Variants in CPS1 observed in about 807,000 individuals in gnomAD.
CPS1 encodes the protein carbamoyl-phosphate synthase [ammonia], mitochondrial.
In CPS1, 109 loss-of-function variants were observed where a neutral mutation model predicts 174.6. That is an observed-to-expected ratio of 0.62 (90% CI 0.53 to 0.73). The LOEUF (loss-of-function observed/expected upper bound fraction) is 0.73, where lower values mean the gene tolerates loss of function less well. Among genes scored for constraint, CPS1 ranks in the 30% least tolerant of loss-of-function variants. CPS1 has a pLI of 0.00. For missense variants in CPS1, 1,689 were observed against 1,821.9 expected (o/e 0.93, Z 1.33); for synonymous variants, 637 against 632.0 (o/e 1.01, Z -0.12).
chr2:210,622,695 AC>A (rs1699568005), intron 21 of CPS1, among the ~76,000 whole-genome samples: 1 of 151,100 alleles, frequency 6.6e-6, no homozygotes, highest in Non-Finnish European at 1.5e-5. Context: ...AGGACTTTAC[AC>A]CCCCAAGCAT....
rs6435574 is a variant in CPS1, at chr2:210,509,964, T to C, written c.3+32198T>C. Among the ~76,000 whole-genome samples, 1,288 of 152,206 alleles carry C rather than the reference T, an allele frequency of 8.5e-3. 15 individuals are homozygous for C. Among genetic ancestry groups the C allele is most frequent in the Non-Finnish European group, 0.011 (739 of 68,004 alleles). On this transcript the variant is annotated intron_variant, in intron 1 of 38. Transcript: ENST00000430249. ...TGGCCATACTGCCCAAGGTAATTTA[T>C]AGATTCAATGCCATCCCCATCAAGC...
At chr2:210,560,623 G>A (rs1697067614) in intron 1 of CPS1, among the ~76,000 whole-genome samples, 1 of 152,028 alleles carries the variant, frequency 6.6e-6, no homozygotes, top group South Asian at 2.1e-4. Flanking sequence ...CTTTTGAAAG[G>A]CATTCATTTT....
chr2:210,665,615 G>A (rs1334690393), intron 33 of CPS1, among the ~76,000 whole-genome samples: 1 of 151,722 alleles, frequency 6.6e-6, no homozygotes, highest in East Asian at 1.9e-4. Flanking sequence ...TGAGAATGAC[G>A]ATTTCCAATA....
intron 1 of CPS1, among the ~76,000 whole-genome samples, chr2:210,502,508 T>A (rs1344479554): frequency 6.7e-6 from 1 of 148,210 alleles, no homozygotes; most frequent in Non-Finnish European, 1.5e-5. Context: ...AGAGATATAT[T>A]TTTTATATAT....
chr2:210,512,884 A>ATG (rs1302269726), intron 1 of CPS1, among the ~76,000 whole-genome samples: 1 of 81,100 alleles, frequency 1.2e-5, no homozygotes, highest in Non-Finnish European at 2.2e-5. Context: ...ATAGAGATAT[A>ATG]TATATGGAGA....
intron 17 of CPS1, 139 bp downstream of exon 17, chr2:210,605,385 G>A (rs1168888494): frequency 9.2e-6 from 8 of 872,618 alleles, no homozygotes; most frequent in Non-Finnish European, 1.5e-5. Context: ...GACAAGCATA[G>A]TATTTTACAG....
At chr2:210,620,654 A>G (rs1699484429) in intron 21 of CPS1, among the ~76,000 whole-genome samples, 1 of 152,062 alleles carries the variant, frequency 6.6e-6, no homozygotes, top group Non-Finnish European at 1.5e-5. Context: ...AGCAGGAGCC[A>G]GCCAGAGAGA....
chr2:210,548,342 G>A (rs901789913), intron 1 of CPS1, among the ~76,000 whole-genome samples: 2 of 151,798 alleles, frequency 1.3e-5, no homozygotes, highest in African/African-American at 4.8e-5. Context: ...TCCTCATACC[G>A]AGTTCTTTGC....
At chr2:210,567,985 A>G (rs1697356911) in intron 1 of CPS1, among the ~76,000 whole-genome samples, 1 of 152,166 alleles carries the variant, frequency 6.6e-6, no homozygotes, top group East Asian at 1.9e-4. Context: ...GCATTCACCA[A>G]CTGTGTAGTG....
Position 210,668,298 on chromosome 2 carries a change from G to T in CPS1, c.4101+14G>T. On this transcript the variant is annotated intron_variant, in intron 34 of 37. Transcript: ENST00000233072. ...ATAGGCATCCAGGTAAGTGGTTTGT[G>T]GCTGTGTGCTTGCCCATGGTCATAC... 1 of 1,574,630 alleles carries T rather than the reference G, an allele frequency of 6.4e-7. No individual in the cohort carries two copies. Among genetic ancestry groups the T allele is most frequent in the Non-Finnish European group, 8.7e-7 (1 of 1,144,014 alleles).
At chr2:210,668,157 A>C (rs1343693297) in intron 33 of CPS1, 29 bp from the exon 34 acceptor site, 1 of 1,543,544 alleles carries the variant, frequency 6.5e-7, no homozygotes, top group Admixed American at 1.7e-5. Context: ...TGCATCCTCT[A>C]TTTTAATTTT....
At chr2:210,593,018 C>G (rs1574564694) in intron 11 of CPS1, 62 bp downstream of exon 11, 5 of 1,418,082 alleles carry the variant, frequency 3.5e-6, no homozygotes, top group Non-Finnish European at 5.0e-6. Flanking sequence ...TGTGGAAATT[C>G]GAGAAACCAA....
chr2:210,522,137 A>G (rs1695843654), intron 1 of CPS1, among the ~76,000 whole-genome samples: 1 of 151,928 alleles, frequency 6.6e-6, no homozygotes, highest in African/African-American at 2.4e-5. Context: ...GCCTTGGGTA[A>G]CTTCTTCACA....
intron 13 of CPS1, among the ~76,000 whole-genome samples, chr2:210,596,453 T>C (rs1698485549): frequency 1.3e-5 from 2 of 151,880 alleles, no homozygotes; most frequent in Admixed American, 1.3e-4. Context: ...TGGCCAAAGG[T>C]TTTCTTATTT....
intron 1 of CPS1, among the ~76,000 whole-genome samples, chr2:210,481,790 A>G (rs184937830): frequency 3.1e-4 from 47 of 152,384 alleles, no homozygotes; most frequent in African/African-American, 9.6e-4. Context: ...AATGTAGTTC[A>G]TAAGAAGTGG....
chr2:210,603,263 T>C (rs1305320712), intron 16 of CPS1, among the ~76,000 whole-genome samples: 1 of 151,954 alleles, frequency 6.6e-6, no homozygotes, highest in Non-Finnish European at 1.5e-5. Flanking sequence ...TATTGCTTCA[T>C]CTTTACTTAC....
Position 210,675,827 on chromosome 2 carries a change from T to C in CPS1, c.4261T>C (p.Ser1421Pro). Residue 1421 changes from serine (S) to proline (P), a missense_variant, in exon 36 of 38, where the codon TCT (serine) becomes CCT (proline). Physicochemically the swap from Ser to Pro is moderately conservative, Grantham distance 74. Transcript: ENST00000233072. ...PSQEGQNPSL[S>P]SIRKLIRDGS... ...TCAAGAAGGACAGAATCCCAGCCTC[T>C]CTTCCATCAGAAAGTAAGAACTAGG... 6.6e-7 allele frequency: 1 copy of C among 1,521,696 alleles called. No homozygotes were observed. Among genetic ancestry groups the C allele is most frequent in the African/African-American group, 1.4e-5 (1 of 73,046 alleles). The allele number at this position is 1,521,696 out of a possible 1,614,324, so 94.3% of individuals were successfully genotyped here. A position where few individuals can be genotyped will look rare whatever the true frequency, so the allele number is the denominator to read the frequency against.
At chr2:210,611,826 C>G (rs1398808731) in intron 19 of CPS1, among the ~76,000 whole-genome samples, 1 of 151,750 alleles carries the variant, frequency 6.6e-6, no homozygotes. Flanking sequence ...TATTTTAATA[C>G]TATGGTCCAG....
chr2:210,608,679 G>A, intron 19 of CPS1, 120 bp downstream of exon 19: 4 of 917,708 alleles, frequency 4.4e-6, no homozygotes, highest in South Asian at 4.1e-5. Context: ...TGTTAAAGGT[G>A]CAATTGACAG....
Sources: allele counts gnomAD v4.1 joint callset (sites outside exome capture counted in the v4.1 genomes callset), GRCh38; gene constraint gnomAD v4.1.1; transcripts MANE v1.5; gene names NCBI Gene and HGNC (gene_info 2026-07-23, HGNC 2026-07-21).